The following TPST1 variants were observed in gnomAD, a reference collection of about 807,000 sequenced individuals.
TPST1 encodes the protein protein-tyrosine sulfotransferase 1.
TPST1 carries 20 observed loss-of-function variants against 34.8 expected under a neutral mutation model. The observed-to-expected ratio is 0.57, with a 90% CI of 0.40 to 0.84. The LOEUF is 0.84. Among genes scored for constraint, TPST1 ranks in the 40% least tolerant of loss-of-function variants. The pLI is 0.00. For synonymous variants in TPST1, 152 were observed against 159.4 expected, an observed-to-expected ratio of 0.95 and a Z score of 0.35; for missense variants, 353 against 455.5, an observed-to-expected ratio of 0.78 and a Z score of 2.05.
the TPST1 span, among the ~76,000 whole-genome samples, chr7:66,200,252 A>G: frequency 6.6e-6 from 1 of 152,078 alleles, no homozygotes; most frequent in African/African-American, 2.4e-5. Flanking sequence ...AGGCTGACCT[A>G]GAGGAGAGAG....
At chr7:66,318,136 C>T (rs1359999758) in intron 3 of TPST1, among the ~76,000 whole-genome samples, 1 of 151,954 alleles carries the variant, frequency 6.6e-6, no homozygotes, top group Non-Finnish European at 1.5e-5. Flanking sequence ...CGAGCCTCGG[C>T]GACAGAGCAA....
chr7:66,203,332 TG>T (rs539848894), upstream of TPST1, among the ~76,000 whole-genome samples: 63 of 150,708 alleles, frequency 4.2e-4, 1 homozygote, highest in South Asian at 0.013. Context: ...CTAGAACTCC[TG>T]GGCTCACGGG....
At chr7:66,207,652 A>G (rs1789157894) in intron 1 of TPST1, among the ~76,000 whole-genome samples, 2 of 151,876 alleles carry the variant, frequency 1.3e-5, no homozygotes, top group South Asian at 4.1e-4. Flanking sequence ...ACTTCCTTTC[A>G]TGGCTTCAAA....
intron 2 of TPST1, among the ~76,000 whole-genome samples, chr7:66,251,895 A>G (rs983180194): frequency 2.0e-5 from 3 of 151,754 alleles, no homozygotes; most frequent in South Asian, 2.1e-4. Context: ...ATTCTCTGGT[A>G]TAATATAGAT....
In TPST1 at chr7:66,312,687, AACCCAAAGATT is replaced by A. The variant is rs1006018625; in HGVS notation, c.1044+25992_1044+26002del. Among the ~76,000 whole-genome samples, 19 of 152,232 alleles carry A rather than the reference AACCCAAAGATT, an allele frequency of 1.2e-4. No individual in the cohort carries two copies. The East Asian group carries it at 1.5e-3, about 12-fold the overall frequency. ...TTGATTGTATTGTGGCTTTTCCTTA[AACCCAAAGATT>A]ACCCAAAGATTACTGTAGAAGTGAC... is the stretch of plus-strand genomic sequence containing the variant. On this transcript the variant is annotated intron_variant, in intron 3 of 5. Coordinates refer to ENST00000304842, the MANE Select transcript of TPST1 (RefSeq NM_003596.4).
chr7:66,246,671 T>C (rs1471436041), intron 2 of TPST1, among the ~76,000 whole-genome samples: 1 of 152,192 alleles, frequency 6.6e-6, no homozygotes, highest in Non-Finnish European at 1.5e-5. Flanking sequence ...ATGACTACTA[T>C]GTAGAAGGCA....
At position 66,337,299 on chromosome 7, in the gene TPST1, A is replaced by ATTTTT. The variant is rs749288846; in HGVS notation, c.1045-15184_1045-15180dup. Among the ~76,000 whole-genome samples, 57 of 107,720 alleles carry ATTTTT rather than the reference A, an allele frequency of 5.3e-4. 3 individuals are homozygous for ATTTTT. The highest frequency in any genetic ancestry group is 3.8e-3 in the South Asian group (11 of 2,906). The allele number at this position is 107,720 out of a possible 152,430, so 70.7% of individuals were successfully genotyped here. On this transcript the variant is annotated intron_variant, in intron 3 of 5. Coordinates refer to ENST00000304842, the MANE Select transcript of TPST1 (RefSeq NM_003596.4). Reference sequence around the variant, plus strand: ...TTTAAGTATGAAGACTAAAAGACAAATTTTTTTTTTTTTTTTTTTTTTTTT... The same window carrying ATTTTT: ...TTTAAGTATGAAGACTAAAAGACAAATTTTTTTTTTTTTTTTTTTTTTTTTTTTTT...
chr7:66,233,675 T>A (rs1056285653), intron 1 of TPST1, among the ~76,000 whole-genome samples: 5 of 152,212 alleles, frequency 3.3e-5, no homozygotes, highest in African/African-American at 1.2e-4. Context: ...TGAGATTTTA[T>A]AAACATAAAT....
chr7:66,254,564 T>G (rs181166826), intron 2 of TPST1, among the ~76,000 whole-genome samples: 207 of 151,962 alleles, frequency 1.4e-3, no homozygotes, highest in Non-Finnish European at 2.3e-3. Context: ...CCACCAAGCC[T>G]GGCTAATTTT....
chr7:66,312,918 A>C (rs1299997726), intron 3 of TPST1, among the ~76,000 whole-genome samples: 1 of 152,162 alleles, frequency 6.6e-6, no homozygotes. Flanking sequence ...CATGGATCAA[A>C]TGTGTCATTG....
intron 3 of TPST1, among the ~76,000 whole-genome samples, chr7:66,314,018 T>C (rs1791584963): frequency 6.6e-6 from 1 of 152,220 alleles, no homozygotes; most frequent in Non-Finnish European, 1.5e-5. Context: ...TTTACAGTGT[T>C]CCTCATTCTG....
At chr7:66,356,048 G>T (rs1792576870) in intron 4 of TPST1, among the ~76,000 whole-genome samples, 1 of 150,962 alleles carries the variant, frequency 6.6e-6, no homozygotes, top group African/African-American at 2.4e-5. Flanking sequence ...ATTAAAAAAA[G>T]AAACAATCAT....
chr7:66,334,826 T>C (rs1792063504), intron 3 of TPST1, among the ~76,000 whole-genome samples: 1 of 152,004 alleles, frequency 6.6e-6, no homozygotes, highest in Non-Finnish European at 1.5e-5. Flanking sequence ...CCCTGCAGTT[T>C]CCAAGGTGAG....
intron 2 of TPST1, among the ~76,000 whole-genome samples, chr7:66,272,712 A>C (rs1286880142): frequency 6.6e-6 from 1 of 151,550 alleles, no homozygotes; most frequent in East Asian, 1.9e-4. Flanking sequence ...TCAGCCTCCC[A>C]AGTAGCTGGG....
At chr7:66,331,339 G>T (rs1791992351) in intron 3 of TPST1, among the ~76,000 whole-genome samples, 1 of 152,128 alleles carries the variant, frequency 6.6e-6, no homozygotes. Flanking sequence ...CTTGAAGAGG[G>T]TTAAACAAGG....
intron 1 of TPST1, among the ~76,000 whole-genome samples, chr7:66,222,913 G>A (rs965550740): frequency 6.6e-6 from 1 of 152,168 alleles, no homozygotes; most frequent in Admixed American, 6.5e-5. Context: ...TCTCCAGTCT[G>A]TCTTCTTCCT....
At chr7:66,221,132 T>TAA (rs546112446) in intron 1 of TPST1, among the ~76,000 whole-genome samples, 26 of 140,728 alleles carry the variant, frequency 1.8e-4, no homozygotes, top group East Asian at 6.1e-4. Context: ...GACTCCGTCT[T>TAA]AAAAAAAAAA....
At chr7:66,228,025 A>G (rs1399094410) in intron 1 of TPST1, among the ~76,000 whole-genome samples, 1 of 152,218 alleles carries the variant, frequency 6.6e-6, no homozygotes, top group Non-Finnish European at 1.5e-5. Flanking sequence ...AAAATGATCT[A>G]CAAGTATGTT....
rs368381191 is a variant in TPST1, at chr7:66,356,927, G to A, written c.*29+56G>A. 120 of 1,587,332 alleles carry A rather than the reference G, an allele frequency of 7.6e-5. 2 individuals are homozygous for A. The highest frequency in any genetic ancestry group is 4.3e-4 in the East Asian group (19 of 44,636). Reference sequence around the variant, plus strand: ...CTGTTTCCCACTCGGGCTCTTGCAGGGGGCTGGGTGGCCAAGGTGGAGAGC... The same window carrying A: ...CTGTTTCCCACTCGGGCTCTTGCAGAGGGCTGGGTGGCCAAGGTGGAGAGC... On this transcript the variant is annotated intron_variant, in intron 5 of 5. Coordinates refer to ENST00000304842, the MANE Select transcript of TPST1 (RefSeq NM_003596.4).
Sources: allele counts gnomAD v4.1 joint callset (sites outside exome capture counted in the v4.1 genomes callset), GRCh38; gene constraint gnomAD v4.1.1; transcripts MANE v1.5; gene names NCBI Gene and HGNC (gene_info 2026-07-23, HGNC 2026-07-21).